Variants in CTNNA2 observed in about 807,000 individuals in gnomAD.
The protein encoded by CTNNA2 is catenin alpha 2, also known as catenin alpha-2.
Under a neutral mutation model 101.0 loss-of-function variants are expected in CTNNA2, and 42 were observed. The ratio of observed to expected loss-of-function variants is 0.42; its 90% CI spans 0.32 to 0.54. The LOEUF (loss-of-function observed/expected upper bound fraction) is 0.54. Among genes scored for constraint, CTNNA2 ranks in the 20% least tolerant of loss-of-function variants. The pLI is 0.14. For missense variants in CTNNA2, 871 were observed against 1,223.1 expected (o/e 0.71, Z 4.29); for synonymous variants, 450 against 456.4 (o/e 0.99, Z 0.18).
chr2:80,244,069 G>A (rs573910961), intron 7 of CTNNA2, among the ~76,000 whole-genome samples: 2 of 152,036 alleles, frequency 1.3e-5, no homozygotes, highest in Non-Finnish European at 2.9e-5. Flanking sequence ...ACAGACCAAG[G>A]GATATTAATG....
chr2:79,587,130 G>C (rs1177805418), intron 1 of CTNNA2, among the ~76,000 whole-genome samples: 3 of 152,126 alleles, frequency 2.0e-5, no homozygotes, highest in African/African-American at 7.2e-5. Context: ...CTATAAACGT[G>C]TGTGCGCGTG....
At chr2:79,986,267 C>G (rs1410740679) in intron 7 of CTNNA2, among the ~76,000 whole-genome samples, 1 of 152,160 alleles carries the variant, frequency 6.6e-6, no homozygotes, top group African/African-American at 2.4e-5. Context: ...CCTTTGAAAA[C>G]AGACATTCCC....
At chr2:79,476,544 G>A (rs1188347052) in intron 4 of CTNNA2, among the ~76,000 whole-genome samples, 1 of 152,176 alleles carries the variant, frequency 6.6e-6, no homozygotes, top group Non-Finnish European at 1.5e-5. Flanking sequence ...AAGAACCATG[G>A]AAGGGGGACA....
At chr2:80,094,439 T>A (rs1226644909) in intron 7 of CTNNA2, among the ~76,000 whole-genome samples, 7 of 152,212 alleles carry the variant, frequency 4.6e-5, no homozygotes, top group Non-Finnish European at 7.3e-5. Context: ...TCAGGTAGCA[T>A]GATGCCTCCA....
In CTNNA2 at chr2:80,376,495, G is replaced by T. The variant is rs558530062; in HGVS notation, c.1057-16716G>T. On this transcript the variant is annotated intron_variant, in intron 7 of 18. Transcript: ENST00000402739. Reference sequence around the variant, plus strand: ...AAAAAAAAAAAACGGTAAGTAAATTGTCTATGTAACATCCTTCTTAGTTTT... The same window carrying T: ...AAAAAAAAAAAACGGTAAGTAAATTTTCTATGTAACATCCTTCTTAGTTTT... 7.3e-5 allele frequency among the ~76,000 whole-genome samples: 11 copies of T among 150,418 alleles called. No individual in the cohort carries two copies. In the South Asian group the frequency reaches 2.1e-3, roughly 29 times the overall value.
chr2:80,215,364 T>C (rs1468499960), intron 7 of CTNNA2, among the ~76,000 whole-genome samples: 1 of 152,194 alleles, frequency 6.6e-6, no homozygotes, highest in Non-Finnish European at 1.5e-5. Context: ...AACTTTCAGC[T>C]TTTCTGCTCT....
At chr2:80,280,006 T>C (rs1674239248) in intron 7 of CTNNA2, among the ~76,000 whole-genome samples, 1 of 151,826 alleles carries the variant, frequency 6.6e-6, no homozygotes, top group African/African-American at 2.4e-5. Context: ...CACCTAACAG[T>C]GCTGTTGTAA....
chr2:79,500,196 C>T (rs1218045590), intron 4 of CTNNA2, among the ~76,000 whole-genome samples: 3 of 152,170 alleles, frequency 2.0e-5, no homozygotes, highest in Admixed American at 2.0e-4. Flanking sequence ...CCTCAAAGCC[C>T]CTATTGAAAA....
chr2:80,377,885 G>A (rs2149343773), intron 7 of CTNNA2, among the ~76,000 whole-genome samples: 1 of 152,304 alleles, frequency 6.6e-6, no homozygotes, highest in Non-Finnish European at 1.5e-5. Context: ...TCTCTCATCT[G>A]TGGCCAGAGG....
intron 3 of CTNNA2, among the ~76,000 whole-genome samples, chr2:79,329,850 A>G (rs1474764110): frequency 6.6e-6 from 1 of 152,080 alleles, no homozygotes; most frequent in Non-Finnish European, 1.5e-5. Flanking sequence ...TGCTTTTCTT[A>G]TCTACAAGAA....
intron 7 of CTNNA2, among the ~76,000 whole-genome samples, chr2:80,348,933 CAAGCTTTAG>C: frequency 6.6e-6 from 1 of 152,142 alleles, no homozygotes. Flanking sequence ...AGAGGAAAGA[CAAGCTTTAG>C]AAGAAAGGAA....
intron 7 of CTNNA2, among the ~76,000 whole-genome samples, chr2:80,361,177 T>TAATG (rs1486727131): frequency 6.6e-6 from 1 of 152,038 alleles, no homozygotes; most frequent in Non-Finnish European, 1.5e-5. Flanking sequence ...CCTGAAGAGG[T>TAATG]AATGGATCTT....
At chr2:79,263,956 C>A (rs1167800246) in intron 2 of CTNNA2, among the ~76,000 whole-genome samples, 1 of 152,152 alleles carries the variant, frequency 6.6e-6, no homozygotes, top group Non-Finnish European at 1.5e-5. Context: ...ATCAGAACAT[C>A]AAAATGCTCA....
chr2:79,270,802 A>G (rs1675064140), intron 2 of CTNNA2, among the ~76,000 whole-genome samples: 1 of 152,122 alleles, frequency 6.6e-6, no homozygotes, highest in Non-Finnish European at 1.5e-5. Context: ...ATGAAGGAAT[A>G]AAAGAACATG....
At chr2:79,527,474 CAAA>C (rs58822666) in intron 1 of CTNNA2, among the ~76,000 whole-genome samples, 34 of 85,196 alleles carry the variant, frequency 4.0e-4, no homozygotes, top group African/African-American at 1.1e-3. Flanking sequence ...ACTAAAAATA[CAAA>C]AAAAAAAAAA....
chr2:80,339,610 C>A (rs1672051726), intron 7 of CTNNA2, among the ~76,000 whole-genome samples: 1 of 152,138 alleles, frequency 6.6e-6, no homozygotes, highest in African/African-American at 2.4e-5. Context: ...CATATTGCTT[C>A]TTCAACTAGT....
intron 3 of CTNNA2, among the ~76,000 whole-genome samples, chr2:79,782,932 A>C (rs994985): frequency 0.43 from 65,641 of 151,128 alleles, 18,195 homozygotes; most frequent in African/African-American, 0.77. Flanking sequence ...TCTTTCATAA[A>C]TTTAGTATGT....
chr2:80,313,272 C>A, intron 7 of CTNNA2: 1 of 735,472 alleles, frequency 1.4e-6, no homozygotes, highest in Non-Finnish European at 1.8e-6. Flanking sequence ...ACTCCTCAAT[C>A]TCTGACAAGA....
At chr2:79,647,445 C>T (rs940263497) in intron 1 of CTNNA2, among the ~76,000 whole-genome samples, 1 of 152,104 alleles carries the variant, frequency 6.6e-6, no homozygotes, top group African/African-American at 2.4e-5. Flanking sequence ...TTTGAGGAAA[C>T]TGGGACTCAG....
Sources: gnomAD v4.1 joint callset for allele counts (sites outside exome capture counted in the v4.1 genomes callset) on GRCh38, gnomAD v4.1.1 for gene constraint, MANE v1.5 for transcripts, NCBI Gene and HGNC (gene_info 2026-07-23, HGNC 2026-07-21) for gene names.